Variants in ITGBL1 observed in about 807,000 individuals in gnomAD.
The protein encoded by ITGBL1 is integrin subunit beta like 1.
ITGBL1 carries 51 observed loss-of-function variants against 68.5 expected under a neutral mutation model. That is an observed-to-expected ratio of 0.74 (90% CI 0.59 to 0.94). ITGBL1 has a LOEUF of 0.94. ITGBL1 is among the 40% of genes least tolerant of loss of function. The pLI is 0.00. For synonymous variants in ITGBL1, 209 were observed against 227.3 expected, an observed-to-expected ratio of 0.92 and a Z score of 0.72; for missense variants, 649 against 647.4, an observed-to-expected ratio of 1.00 and a Z score of -0.03.
At chr13:101,535,106 A>G (rs2049550041) in intron 2 of ITGBL1, among the ~76,000 whole-genome samples, 1 of 152,058 alleles carries the variant, frequency 6.6e-6, no homozygotes, top group Non-Finnish European at 1.5e-5. Flanking sequence ...TTGACCCCAG[A>G]AAGAGGCTTT....
intron 2 of ITGBL1, among the ~76,000 whole-genome samples, chr13:101,498,994 A>G (rs923758287): frequency 1.3e-5 from 2 of 152,172 alleles, no homozygotes; most frequent in Non-Finnish European, 2.9e-5. Context: ...CACTACCACT[A>G]GAACAGTATG....
Position 101,454,100 on chromosome 13 carries a change from G to A in ITGBL1, c.316G>A (p.Gly106Ser). The change falls in exon 2 of 11, where the codon GGC becomes AGC. Residue 106 changes from glycine (G) to serine (S), a missense_variant and splice_region_variant. Physicochemically the swap from Gly to Ser is moderately conservative, Grantham distance 56. Coordinates refer to ENST00000376180, the MANE Select transcript of ITGBL1 (RefSeq NM_004791.3). ...CETYDGSTCA[G>S]HGKCDCGKCK... ...GACCTACGACGGGAGCACCTGTGCAGGTAAGAGGGCGGCGCTGTCTCCTCC... is the reference window on the plus strand; with the variant it reads ...GACCTACGACGGGAGCACCTGTGCAAGTAAGAGGGCGGCGCTGTCTCCTCC... 3 of 1,554,978 alleles carry A rather than the reference G, an allele frequency of 1.9e-6. No homozygotes were observed. Among genetic ancestry groups the A allele is most frequent in the Middle Eastern group, 1.7e-4 (1 of 5,910 alleles).
At chr13:101,503,643 G>C (rs183331060) in intron 2 of ITGBL1, among the ~76,000 whole-genome samples, 102 of 152,266 alleles carry the variant, frequency 6.7e-4, no homozygotes, top group Non-Finnish European at 1.4e-3. Context: ...TGAGTTTCCC[G>C]AAAAATGAGG....
chr13:101,538,475 C>T (rs1362076116), intron 2 of ITGBL1, among the ~76,000 whole-genome samples: 1 of 151,934 alleles, frequency 6.6e-6, no homozygotes, highest in East Asian at 1.9e-4. Flanking sequence ...ATGAAAATTG[C>T]TTATAACCAT....
At chr13:101,455,259 A>G (rs1041103927) in intron 2 of ITGBL1, among the ~76,000 whole-genome samples, 2 of 152,244 alleles carry the variant, frequency 1.3e-5, no homozygotes, top group African/African-American at 4.8e-5. Flanking sequence ...TGTATAAGTT[A>G]CTTAATATGC....
intron 7 of ITGBL1, among the ~76,000 whole-genome samples, chr13:101,604,478 C>T (rs1359733964): frequency 2.0e-5 from 3 of 151,662 alleles, no homozygotes; most frequent in Admixed American, 6.6e-5. Context: ...TCATCAGTTT[C>T]CTTACATGAG....
chr13:101,641,809 G>A (rs1487381394), intron 7 of ITGBL1, among the ~76,000 whole-genome samples: 1 of 147,876 alleles, frequency 6.8e-6, no homozygotes, highest in Non-Finnish European at 1.5e-5. Context: ...GAGAATATGC[G>A]GTGGTTGGTT....
chr13:101,606,210 T>A (rs142661798), intron 7 of ITGBL1, among the ~76,000 whole-genome samples: 1 of 146,736 alleles, frequency 6.8e-6, no homozygotes, highest in African/African-American at 2.5e-5. Context: ...ATCATATATA[T>A]ATGATATATG....
At chr13:101,689,211 T>TAAAAAAAAAAAAAAAAAAAA (rs34627046) in intron 7 of ITGBL1, among the ~76,000 whole-genome samples, 1,034 of 74,730 alleles carry the variant, frequency 0.014, 78 homozygotes, top group South Asian at 0.019. Context: ...AGACTCTGCC[T>TAAAAAAAAAAAAAAAAAAAA]AAAAAAAAAA....
intron 7 of ITGBL1, among the ~76,000 whole-genome samples, chr13:101,665,822 A>G (rs2033200567): frequency 6.6e-6 from 1 of 152,202 alleles, no homozygotes; most frequent in Admixed American, 6.5e-5. Flanking sequence ...GAACTATCAT[A>G]AGAGACTGCC....
chr13:101,644,021 G>A (rs1003710818), intron 7 of ITGBL1, among the ~76,000 whole-genome samples: 6 of 152,108 alleles, frequency 3.9e-5, no homozygotes, highest in Admixed American at 3.9e-4. Flanking sequence ...TTTGAAAAGT[G>A]GAAGATCCGG....
intron 2 of ITGBL1, among the ~76,000 whole-genome samples, chr13:101,548,302 C>T (rs776010085): frequency 6.6e-6 from 1 of 151,786 alleles, no homozygotes; most frequent in Non-Finnish European, 1.5e-5. Flanking sequence ...GGATACTATG[C>T]TATTACTAAT....
At chr13:101,646,571 C>A (rs960210900) in intron 7 of ITGBL1, among the ~76,000 whole-genome samples, 1 of 152,068 alleles carries the variant, frequency 6.6e-6, no homozygotes, top group African/African-American at 2.4e-5. Flanking sequence ...GAATAAAGAG[C>A]CTTAAACATC....
At chr13:101,526,047 T>G (rs993637806) in intron 2 of ITGBL1, among the ~76,000 whole-genome samples, 2 of 152,118 alleles carry the variant, frequency 1.3e-5, no homozygotes, top group African/African-American at 4.8e-5. Context: ...GAAGTCTGTT[T>G]CACTCTTACC....
chr13:101,483,553 C>G (rs2048657323), intron 2 of ITGBL1, among the ~76,000 whole-genome samples: 1 of 152,174 alleles, frequency 6.6e-6, no homozygotes, highest in Non-Finnish European at 1.5e-5. Context: ...ACAGAAAATG[C>G]ACAGTCCCAT....
At chr13:101,485,916 A>G (rs1473900032) in intron 2 of ITGBL1, among the ~76,000 whole-genome samples, 1 of 152,238 alleles carries the variant, frequency 6.6e-6, no homozygotes, top group Admixed American at 6.5e-5. Context: ...AGTGTAATAC[A>G]ACCAGTATGG....
chr13:101,637,341 A>AC (rs758620970), intron 7 of ITGBL1, among the ~76,000 whole-genome samples: 2 of 125,912 alleles, frequency 1.6e-5, no homozygotes, highest in East Asian at 4.5e-4. Flanking sequence ...TTGGAACAGT[A>AC]TTTTTTTTTT....
In ITGBL1 at chr13:101,452,858, T is replaced by G. The variant is rs565009314; in HGVS notation, c.25T>G (p.Phe9Val). ...CATGCGTCCCCCAGGCTTCAGGAAC[T>G]TCTTGCTGCTGGCGTCCTCCCTTCT... MRPPGFRN[F>V]LLLASSLLFA... Residue 9 changes from phenylalanine (F) to valine (V), a missense_variant, in exon 1 of 11, where the codon TTC (phenylalanine) becomes GTC (valine). Physicochemically the swap from Phe to Val is conservative, Grantham distance 50 (BLOSUM62 -1). Transcript: ENST00000376180. 2.5e-6 allele frequency: 4 copies of G among 1,614,174 alleles called. No individual in the cohort carries two copies. The African/African-American group carries it at 4.0e-5, about 16-fold the overall frequency.
At chr13:101,677,643 T>C (rs1313314903) in intron 7 of ITGBL1, among the ~76,000 whole-genome samples, 3 of 152,152 alleles carry the variant, frequency 2.0e-5, no homozygotes. Flanking sequence ...GGAGGAGAAA[T>C]GTATTCCCCC....
Sources: gnomAD v4.1 joint callset for allele counts (sites outside exome capture counted in the v4.1 genomes callset) on GRCh38, gnomAD v4.1.1 for gene constraint, MANE v1.5 for transcripts, NCBI Gene and HGNC (gene_info 2026-07-23, HGNC 2026-07-21) for gene names.